The following DNM3 variants were observed in gnomAD, a reference collection of about 807,000 sequenced individuals.
DNM3 encodes dynamin-3.
Under a neutral mutation model 101.6 loss-of-function variants are expected in DNM3, and 47 were observed. That is an observed-to-expected ratio of 0.46 (90% confidence interval 0.37 to 0.59). The LOEUF is 0.59. DNM3 is among the 20% of genes least tolerant of loss of function. DNM3 has a pLI of 0.00. For synonymous variants in DNM3, 385 were observed against 387.9 expected (o/e 0.99, Z 0.09); for missense variants, 849 against 1,085.7 (o/e 0.78, Z 3.06).
chr1:171,885,529 A>G (rs761014870), intron 1 of DNM3, among the ~76,000 whole-genome samples: 8 of 152,180 alleles, frequency 5.3e-5, no homozygotes, highest in Non-Finnish European at 1.0e-4. Context: ...CAGGAATAGA[A>G]TCATCCTTAA....
At chr1:172,013,774 A>G (rs1057037380) in intron 4 of DNM3, among the ~76,000 whole-genome samples, 14 of 152,212 alleles carry the variant, frequency 9.2e-5, no homozygotes, top group African/African-American at 3.4e-4. Flanking sequence ...GAAGAAGTAA[A>G]AGTCATTGGG....
intron 15 of DNM3, among the ~76,000 whole-genome samples, chr1:172,307,577 A>G (rs566466184): frequency 1.3e-5 from 2 of 152,366 alleles, no homozygotes; most frequent in African/African-American, 4.8e-5. Context: ...ACGCACACGT[A>G]TGTTTATTGC....
rs566878969 is a variant in DNM3, at chr1:172,398,401, T to C, written c.2523-9371T>C. Among the ~76,000 whole-genome samples the C allele has an allele frequency of 2.0e-5, 3 of 152,334 alleles. No individual in the cohort carries two copies. The South Asian group carries it at 6.2e-4, about 32-fold the overall frequency. On this transcript the variant is annotated intron_variant, in intron 20 of 20. Coordinates refer to ENST00000627582, the MANE Select transcript of DNM3 (RefSeq NM_015569.5). ...TTCTGGTTTATTGGCCTCATCCACG[T>C]ACAACATTATTCAAAATAGTTCTCT...
At position 172,253,532 on chromosome 1, in the gene DNM3, CTCCT is replaced by C. The variant is rs749327210; in HGVS notation, c.1660-40_1660-37del. The stretch of plus-strand genomic sequence containing the variant: ...CTCCTCTCCTCTCCTCTCCTCTCCT[CTCCT>C]CTCCTCTCCCTCTTTTCTTTCTCTC... On this transcript the variant is annotated intron_variant, in intron 14 of 20. Transcript: ENST00000627582. 3,071 of 860,058 alleles carry C rather than the reference CTCCT, an allele frequency of 3.6e-3. 16 individuals carry two copies. The highest frequency in any genetic ancestry group is 4.4e-3 in the Non-Finnish European group (2,586 of 583,838). 53.3% of individuals were successfully genotyped at this position (860,058 alleles called of 1,614,324 possible).
At chr1:172,183,021 C>G (rs1363341822) in intron 14 of DNM3, among the ~76,000 whole-genome samples, 1 of 151,978 alleles carries the variant, frequency 6.6e-6, no homozygotes, top group Admixed American at 6.6e-5. Flanking sequence ...TTACCAAGAA[C>G]TGGTAAAAAG....
At chr1:171,908,590 TACTGAC>T (rs1400337455) in intron 1 of DNM3, among the ~76,000 whole-genome samples, 1 of 152,118 alleles carries the variant, frequency 6.6e-6, no homozygotes, top group African/African-American at 2.4e-5. Flanking sequence ...TGATATTAGA[TACTGAC>T]AGTGAAGAAT....
At chr1:172,307,028 G>T (rs546667382) in intron 15 of DNM3, among the ~76,000 whole-genome samples, 156 of 152,156 alleles carry the variant, frequency 1.0e-3, no homozygotes, top group African/African-American at 3.5e-3. Context: ...TTGACAAATG[G>T]GATCTAATTA....
intron 15 of DNM3, among the ~76,000 whole-genome samples, chr1:172,303,146 CA>C (rs943138763): frequency 1.9e-4 from 29 of 152,108 alleles, no homozygotes; most frequent in African/African-American, 6.7e-4. Context: ...CAAGGTTAGA[CA>C]AATGGATAAC....
At chr1:172,313,661 G>T (rs1381435689) in intron 16 of DNM3, among the ~76,000 whole-genome samples, 1 of 152,120 alleles carries the variant, frequency 6.6e-6, no homozygotes, top group Non-Finnish European at 1.5e-5. Flanking sequence ...TCTAAACTCA[G>T]AATAATGCCT....
At chr1:171,899,334 A>T (rs2038099130) in intron 1 of DNM3, among the ~76,000 whole-genome samples, 1 of 152,152 alleles carries the variant, frequency 6.6e-6, no homozygotes, top group South Asian at 2.1e-4. Context: ...GGTTTCTTTC[A>T]AATGTGGATG....
chr1:172,355,530 T>C (rs908130930), intron 17 of DNM3, among the ~76,000 whole-genome samples: 6 of 152,146 alleles, frequency 3.9e-5, no homozygotes, highest in African/African-American at 1.4e-4. Context: ...AATAAGTAGC[T>C]GTCCAGGATG....
intron 13 of DNM3, among the ~76,000 whole-genome samples, chr1:172,129,445 T>C (rs1280395361): frequency 6.6e-5 from 10 of 152,168 alleles, no homozygotes; most frequent in Non-Finnish European, 1.5e-5. Context: ...GAAACCATAC[T>C]GTATTAGTCT....
chr1:172,032,584 C>A, intron 5 of DNM3, 84 bp downstream of exon 5: 5 of 844,544 alleles, frequency 5.9e-6, no homozygotes, highest in South Asian at 4.7e-5. Context: ...GATTGGGAAG[C>A]CACTAGGAGG....
At chr1:172,222,635 G>A (rs1441039420) in intron 14 of DNM3, among the ~76,000 whole-genome samples, 4 of 152,112 alleles carry the variant, frequency 2.6e-5, no homozygotes, top group Non-Finnish European at 5.9e-5. Flanking sequence ...CCTGGTTTGG[G>A]CTGAGAATTG....
intron 13 of DNM3, among the ~76,000 whole-genome samples, chr1:172,126,160 A>G (rs1254926488): frequency 6.6e-6 from 1 of 152,214 alleles, no homozygotes; most frequent in Non-Finnish European, 1.5e-5. Flanking sequence ...GATTGTTATC[A>G]GAAAAACAAG....
At chr1:171,958,744 G>A (rs930624590) in intron 2 of DNM3, among the ~76,000 whole-genome samples, 3 of 152,184 alleles carry the variant, frequency 2.0e-5, no homozygotes, top group Admixed American at 2.0e-4. Flanking sequence ...CTTGGTGATA[G>A]TGATTTGGGG....
intron 4 of DNM3, among the ~76,000 whole-genome samples, chr1:172,004,544 G>A (rs2046552733): frequency 1.3e-5 from 2 of 152,010 alleles, no homozygotes; most frequent in African/African-American, 2.4e-5. Context: ...TGTTGAAAAT[G>A]GGTGTTGTAG....
chr1:172,418,332 C>G, exon 21 of DNM3: 1 of 1,288,496 alleles, frequency 7.8e-7, no homozygotes, highest in Non-Finnish European at 1.0e-6. Flanking sequence ...CATCATTCAT[C>G]TCCTTTTGTT....
At chr1:171,929,377 T>C (rs1558281620) in intron 2 of DNM3, among the ~76,000 whole-genome samples, 1 of 152,166 alleles carries the variant, frequency 6.6e-6, no homozygotes, top group Non-Finnish European at 1.5e-5. Flanking sequence ...GGCCATGTTT[T>C]TGTAGGACAG....
Sources: gnomAD v4.1 joint callset for allele counts (sites outside exome capture counted in the v4.1 genomes callset) on GRCh38, gnomAD v4.1.1 for gene constraint, MANE v1.5 for transcripts, NCBI Gene and HGNC (gene_info 2026-07-23, HGNC 2026-07-21) for gene names.